Variants in HPCAL1 observed in about 807,000 individuals in gnomAD.
HPCAL1 encodes the protein hippocalcin-like protein 1.
In HPCAL1, 8 loss-of-function variants were observed where a neutral mutation model predicts 17.1. The observed-to-expected ratio is 0.47, with a 90% confidence interval of 0.27 to 0.84. HPCAL1 has a LOEUF of 0.84. Ranked by LOEUF, HPCAL1 falls within the 40% of genes least tolerant of loss-of-function variation. HPCAL1 has a pLI of 0.13. For synonymous variants in HPCAL1, 112 were observed against 111.4 expected, an observed-to-expected ratio of 1.01 and a Z score of -0.03; for missense variants, 165 against 271.1, an observed-to-expected ratio of 0.61 and a Z score of 2.75.
intron 1 of HPCAL1, among the ~76,000 whole-genome samples, chr2:10,339,424 C>G (rs765645859): frequency 2.6e-5 from 4 of 152,188 alleles, no homozygotes; most frequent in Non-Finnish European, 5.9e-5. Flanking sequence ...TCTGCCTCAG[C>G]CTCCCCAGTA....
At chr2:10,404,352 C>T (rs186936345) in intron 2 of HPCAL1, among the ~76,000 whole-genome samples, 301 of 152,340 alleles carry the variant, frequency 2.0e-3, no homozygotes, top group African/African-American at 6.9e-3. Flanking sequence ...TGCCCCTCAC[C>T]CCGTCTTTGC....
Position 10,395,549 on chromosome 2 carries a change from C to T in HPCAL1, c.-110-1286C>T, listed in dbSNP as rs577999615. On this transcript the variant is annotated intron_variant, in intron 1 of 4. Transcript: ENST00000307845. The surrounding 1 kb of genome is among the most constrained non-coding windows in gnomAD (Gnocchi z 4.4). Reference sequence around the variant, plus strand: ...AGGGGAGCCCCGCTGGCACGCCGCACTGTGCTGAGGCTGGGTGTTCTAGGG... The same window carrying T: ...AGGGGAGCCCCGCTGGCACGCCGCATTGTGCTGAGGCTGGGTGTTCTAGGG... 1.8e-3 allele frequency among the ~76,000 whole-genome samples: 276 copies of T among 152,336 alleles called. 1 individual carries two copies. Among genetic ancestry groups the T allele is most frequent in the African/African-American group, 6.2e-3 (258 of 41,588 alleles).
intron 1 of HPCAL1, among the ~76,000 whole-genome samples, chr2:10,316,893 G>A (rs1453465006): frequency 2.6e-5 from 4 of 152,082 alleles, no homozygotes; most frequent in South Asian, 2.1e-4. Context: ...ATTCTATCAC[G>A]TCTGGTAAAT....
intron 1 of HPCAL1, among the ~76,000 whole-genome samples, chr2:10,358,088 G>A (rs147994030): frequency 0.012 from 1,830 of 152,362 alleles, 20 homozygotes; most frequent in Non-Finnish European, 0.014. Flanking sequence ...GTACCTGGAG[G>A]AGTTGCTGGA....
intron 1 of HPCAL1, among the ~76,000 whole-genome samples, chr2:10,339,821 T>C (rs1421917944): frequency 1.3e-5 from 2 of 152,222 alleles, no homozygotes; most frequent in Non-Finnish European, 2.9e-5. Context: ...GCAACAGGGC[T>C]GGCGAAACGG....
At position 10,338,389 on chromosome 2, in the gene HPCAL1, C is replaced by T. The variant is rs62128246; in HGVS notation, c.-111+35212C>T. 9.7e-4 allele frequency among the ~76,000 whole-genome samples: 148 copies of T among 152,228 alleles called. 3 individuals carry two copies. The highest frequency in any genetic ancestry group is 3.2e-3 in the African/African-American group (131 of 41,540). ...ATGGGGTGTGAACTTTGGATCAGTG[C>T]GGCCTGGATATCAGCTGTGTGGTGT... On this transcript the variant is annotated intron_variant, in intron 1 of 4. Coordinates refer to ENST00000307845, the MANE Select transcript of HPCAL1 (RefSeq NM_002149.4).
rs1217690251 is a variant in HPCAL1 at position 10,365,964 on chromosome 2, C to T, written c.-110-30871C>T. 6.6e-6 allele frequency among the ~76,000 whole-genome samples: 1 copy of T among 152,236 alleles called. No homozygotes were observed. Among genetic ancestry groups the T allele is most frequent in the Non-Finnish European group, 1.5e-5 (1 of 68,046 alleles). On this transcript the variant is annotated intron_variant, in intron 1 of 4. Coordinates refer to ENST00000307845, the MANE Select transcript of HPCAL1 (RefSeq NM_002149.4). This position sits in a 1 kb window ranked among gnomAD's most constrained non-coding sequence, Gnocchi z 4.8. ...TGCACGCCTCATGAGGAGACGCTCA[C>T]TCCCCCAGACACACTGAGTACTCTT... is the stretch of plus-strand genomic sequence containing the variant.
Position 10,363,399 on chromosome 2 carries a change from G to C in HPCAL1, c.-110-33436G>C, listed in dbSNP as rs536701701. Among the ~76,000 whole-genome samples, 3 of 152,324 alleles carry C rather than the reference G, an allele frequency of 2.0e-5. No homozygotes were observed. The highest frequency in any genetic ancestry group is 7.2e-5 in the African/African-American group (3 of 41,574). On this transcript the variant is annotated intron_variant, in intron 1 of 4. Coordinates refer to ENST00000307845, the MANE Select transcript of HPCAL1 (RefSeq NM_002149.4). This position sits in a 1 kb window ranked among gnomAD's most constrained non-coding sequence, Gnocchi z 4.7. ...ACCGTCCAGCACCCCCATTTCTGCTGCTCTGATAACTTGGATCGACTGAAG... is the reference window on the plus strand; with the variant it reads ...ACCGTCCAGCACCCCCATTTCTGCTCCTCTGATAACTTGGATCGACTGAAG...
chr2:10,341,455 G>GCAA (rs982424622), intron 1 of HPCAL1, among the ~76,000 whole-genome samples: 21 of 151,454 alleles, frequency 1.4e-4, no homozygotes, highest in Middle Eastern at 3.4e-3. Context: ...TATCTTAAAA[G>GCAA]CAACAACAAC....
rs193192686 is a variant in HPCAL1, at chr2:10,325,632, C to T, written c.-111+22455C>T. ...GGGCGGTTTCCCTGCTTCCCCACACCGGGCCAGAGCTGCCTTGATATTTAT... is the reference window on the plus strand; with the variant it reads ...GGGCGGTTTCCCTGCTTCCCCACACTGGGCCAGAGCTGCCTTGATATTTAT... On this transcript the variant is annotated intron_variant, in intron 1 of 4. Coordinates refer to ENST00000307845, the MANE Select transcript of HPCAL1 (RefSeq NM_002149.4). Among the ~76,000 whole-genome samples, 11 of 152,346 alleles carry T rather than the reference C, an allele frequency of 7.2e-5. No individual in the cohort carries two copies. In the East Asian group the frequency reaches 9.7e-4, roughly 13 times the overall value.
intron 1 of HPCAL1, among the ~76,000 whole-genome samples, chr2:10,379,477 C>A (rs775972802): frequency 2.0e-5 from 3 of 151,652 alleles, no homozygotes; most frequent in African/African-American, 7.3e-5. Context: ...GAGCTATGGC[C>A]GTGGCTGACC....
intron 1 of HPCAL1, among the ~76,000 whole-genome samples, chr2:10,388,795 C>T (rs1668495009): frequency 6.6e-6 from 1 of 152,196 alleles, no homozygotes; most frequent in African/African-American, 2.4e-5. Flanking sequence ...GTTTAAGAGT[C>T]CAGGTCGCTG....
At chr2:10,326,953 C>G (rs71437702) in intron 1 of HPCAL1, among the ~76,000 whole-genome samples, 2,857 of 152,258 alleles carry the variant, frequency 0.019, 31 homozygotes, top group Non-Finnish European at 0.03. Flanking sequence ...CTCGGTTGTC[C>G]CTTTGGCTCA....
intron 1 of HPCAL1, among the ~76,000 whole-genome samples, chr2:10,373,670 G>A (rs1189295478): frequency 2.0e-5 from 3 of 151,996 alleles, no homozygotes; most frequent in South Asian, 2.1e-4. Context: ...AGCCTCCACC[G>A]TCCAGCCTCG....
Position 10,419,173 on chromosome 2 carries a change from T to C in HPCAL1, c.-24-561T>C, listed in dbSNP as rs1210578536. ...TTACAGTGAGCTGTGATCCTGCTAC[T>C]GCACTGCAGCCTGGGCGACAAGAGC... On this transcript the variant is annotated intron_variant, in intron 2 of 4. Coordinates refer to ENST00000307845, the MANE Select transcript of HPCAL1 (RefSeq NM_002149.4). The surrounding 1 kb of genome is among the most constrained non-coding windows in gnomAD (Gnocchi z 5.0). 1.3e-5 allele frequency among the ~76,000 whole-genome samples: 2 copies of C among 149,130 alleles called. No individual in the cohort carries two copies. Among genetic ancestry groups the C allele is most frequent in the Non-Finnish European group, 3.0e-5 (2 of 67,744 alleles).
In HPCAL1 at chr2:10,347,936, T is replaced by A. The variant is rs529722357; in HGVS notation, c.-111+44759T>A. 5.9e-5 allele frequency among the ~76,000 whole-genome samples: 9 copies of A among 152,306 alleles called. No homozygotes were observed. In the South Asian group the frequency reaches 1.0e-3, roughly 18 times the overall value. ...TGTAGAAGGACCATTTCAGAAGCCC[T>A]GGTTTACAGGAGAAAGATTGGTATC... On this transcript the variant is annotated intron_variant, in intron 1 of 4. Coordinates refer to ENST00000307845, the MANE Select transcript of HPCAL1 (RefSeq NM_002149.4).
chr2:10,347,767 G>A (rs999582107), intron 1 of HPCAL1, among the ~76,000 whole-genome samples: 2 of 152,172 alleles, frequency 1.3e-5, no homozygotes, highest in African/African-American at 4.8e-5. Context: ...AGCCTGGCAC[G>A]GAGTATGGGC....
intron 1 of HPCAL1, among the ~76,000 whole-genome samples, chr2:10,386,052 A>C (rs540212874): frequency 1.3e-5 from 2 of 152,190 alleles, no homozygotes; most frequent in Non-Finnish European, 2.9e-5. Flanking sequence ...CTTGCGTGTG[A>C]CAAGCTGAGC....
chr2:10,388,167 C>T (rs1439678207), intron 1 of HPCAL1, among the ~76,000 whole-genome samples: 1 of 152,174 alleles, frequency 6.6e-6, no homozygotes, highest in Non-Finnish European at 1.5e-5. Context: ...AGGAGGCTCC[C>T]CAAATAGAAA....
Sources: allele counts gnomAD v4.1 joint callset (sites outside exome capture counted in the v4.1 genomes callset), GRCh38; gene constraint gnomAD v4.1.1; non-coding constraint Gnocchi (gnomAD v3.1); transcripts MANE v1.5; gene names NCBI Gene and HGNC (gene_info 2026-07-23, HGNC 2026-07-21).